The following DCC variants were observed in gnomAD, a reference collection of about 807,000 sequenced individuals.
DCC encodes netrin receptor DCC.
DCC carries 58 observed loss-of-function variants against 172.5 expected under a neutral mutation model. The observed-to-expected ratio is 0.34, with a 90% CI of 0.27 to 0.42. The LOEUF (loss-of-function observed/expected upper bound fraction) is 0.42, where lower values mean the gene tolerates loss of function less well. Ranked by LOEUF, DCC falls within the 10% of genes least tolerant of loss-of-function variation. The probability of loss-of-function intolerance (pLI) is 1.00; values close to 1 mark genes in which losing one functional copy is unlikely to be tolerated. For synonymous variants in DCC, 709 were observed against 644.5 expected (o/e 1.10, Z -1.52); for missense variants, 1,740 against 1,791.0 (o/e 0.97, Z 0.51).
chr18:53,281,374 T>C (rs1488439060), intron 12 of DCC, among the ~76,000 whole-genome samples: 1 of 152,192 alleles, frequency 6.6e-6, no homozygotes, highest in East Asian at 1.9e-4. Flanking sequence ...ATTCTGACTA[T>C]ATAAGGTCAA....
intron 2 of DCC, among the ~76,000 whole-genome samples, chr18:52,790,631 C>T (rs964403809): frequency 6.6e-6 from 1 of 152,174 alleles, no homozygotes; most frequent in Admixed American, 6.5e-5. Context: ...ATACAAAAGT[C>T]TGGGATATCA....
chr18:52,867,722 G>A (rs994789074), intron 2 of DCC, among the ~76,000 whole-genome samples: 13 of 152,010 alleles, frequency 8.6e-5, no homozygotes, highest in African/African-American at 3.1e-4. Flanking sequence ...TGGGATCAGT[G>A]GTGATATCTT....
chr18:53,448,330 AAC>A (rs1047410993), intron 22 of DCC, among the ~76,000 whole-genome samples: 1 of 152,154 alleles, frequency 6.6e-6, no homozygotes, highest in Non-Finnish European at 1.5e-5. Context: ...AGTGGAAGCA[AAC>A]ACATCCTTCC....
chr18:52,811,133 AAAC>A (rs1386761081), intron 2 of DCC, among the ~76,000 whole-genome samples: 2 of 152,206 alleles, frequency 1.3e-5, no homozygotes, highest in African/African-American at 2.4e-5. Context: ...AAAAAACAAA[AAAC>A]AACAAAATGA....
At chr18:53,260,356 G>C (rs1200320049) in intron 12 of DCC, among the ~76,000 whole-genome samples, 1 of 152,090 alleles carries the variant, frequency 6.6e-6, no homozygotes, top group Non-Finnish European at 1.5e-5. Context: ...GGTCTTTGAT[G>C]ATGGTGACGT....
chr18:52,802,880 A>G (rs1291019983), intron 2 of DCC, among the ~76,000 whole-genome samples: 1 of 151,768 alleles, frequency 6.6e-6, no homozygotes, highest in Non-Finnish European at 1.5e-5. Flanking sequence ...CAGTTGATTA[A>G]CACATACTTT....
At chr18:53,059,225 CAT>C (rs1245921006) in intron 5 of DCC, among the ~76,000 whole-genome samples, 1 of 152,044 alleles carries the variant, frequency 6.6e-6, no homozygotes, top group Non-Finnish European at 1.5e-5. Context: ...CCTCCCATGA[CAT>C]GTGAAGATTA....
chr18:53,060,894 A>ACC (rs2042485443), intron 5 of DCC, among the ~76,000 whole-genome samples: 5 of 152,124 alleles, frequency 3.3e-5, no homozygotes, highest in Non-Finnish European at 5.9e-5. Flanking sequence ...TTTGACATTG[A>ACC]GAATATAGAA....
At chr18:52,583,244 T>G (rs754734544) in intron 1 of DCC, among the ~76,000 whole-genome samples, 10 of 152,184 alleles carry the variant, frequency 6.6e-5, no homozygotes, top group Non-Finnish European at 1.3e-4. Flanking sequence ...CTGTAAATAT[T>G]TATTGATCAA....
intron 2 of DCC, among the ~76,000 whole-genome samples, chr18:52,844,550 G>T (rs7239852): frequency 0.87 from 132,368 of 152,190 alleles, 58,568 homozygotes; most frequent in Middle Eastern, 0.96. Flanking sequence ...GACTCATCAT[G>T]GTATACATTA....
intron 2 of DCC, among the ~76,000 whole-genome samples, chr18:52,874,770 G>C (rs1160420413): frequency 1.3e-5 from 2 of 152,116 alleles, no homozygotes; most frequent in Non-Finnish European, 2.9e-5. Context: ...ATTATATTTA[G>C]AGGTCATAGA....
chr18:52,417,305 T>G (rs1237131193), intron 1 of DCC, among the ~76,000 whole-genome samples: 4 of 152,056 alleles, frequency 2.6e-5, no homozygotes, highest in Non-Finnish European at 5.9e-5. Context: ...GCCCTTAACG[T>G]TTTTTCCTTC....
chr18:52,714,360 T>A (rs1568058921), intron 1 of DCC, among the ~76,000 whole-genome samples: 1 of 152,196 alleles, frequency 6.6e-6, no homozygotes, highest in African/African-American at 2.4e-5. Context: ...AATGATCATA[T>A]AAAACTCAGC....
intron 1 of DCC, among the ~76,000 whole-genome samples, chr18:52,606,576 G>A (rs974467927): frequency 1.3e-5 from 2 of 152,136 alleles, no homozygotes; most frequent in Non-Finnish European, 2.9e-5. Flanking sequence ...AATATTCTCA[G>A]AAGATAAAGA....
At chr18:52,474,691 AAAAGT>A (rs1295621300) in intron 1 of DCC, among the ~76,000 whole-genome samples, 1 of 152,160 alleles carries the variant, frequency 6.6e-6, no homozygotes, top group Non-Finnish European at 1.5e-5. Context: ...AGAGGTCTAG[AAAAGT>A]AAAGTAAATT....
intron 1 of DCC, among the ~76,000 whole-genome samples, chr18:52,611,529 T>G (rs1310917431): frequency 6.6e-6 from 1 of 152,212 alleles, no homozygotes; most frequent in Non-Finnish European, 1.5e-5. Flanking sequence ...GACTGGCTGA[T>G]GTATGCAGAG....
At chr18:52,938,885 C>T (rs922703725) in intron 5 of DCC, among the ~76,000 whole-genome samples, 1 of 152,008 alleles carries the variant, frequency 6.6e-6, no homozygotes, top group African/African-American at 2.4e-5. Flanking sequence ...CATCCAACTG[C>T]TCTTATTCAT....
intron 5 of DCC, among the ~76,000 whole-genome samples, chr18:53,022,346 C>G (rs190409882): frequency 3.8e-4 from 58 of 151,874 alleles, no homozygotes; most frequent in Admixed American, 3.0e-3. Flanking sequence ...GGTTGTGTTA[C>G]CTTTCTGTGT....
At chr18:52,621,805 C>A (rs1568260344) in intron 1 of DCC, among the ~76,000 whole-genome samples, 1 of 152,048 alleles carries the variant, frequency 6.6e-6, no homozygotes, top group Non-Finnish European at 1.5e-5. Context: ...CTTATGATAC[C>A]CGAGGCTTCC....
Sources: allele counts gnomAD v4.1 joint callset (sites outside exome capture counted in the v4.1 genomes callset), GRCh38; gene constraint gnomAD v4.1.1; transcripts MANE v1.5; gene names NCBI Gene and HGNC (gene_info 2026-07-23, HGNC 2026-07-21).